SLC31A1: variants seen among roughly 807,000 people sequenced by gnomAD.
The protein encoded by SLC31A1 is solute carrier family 31 member 1.
SLC31A1 carries 5 observed loss-of-function variants against 17.2 expected under a neutral mutation model. That is an observed-to-expected ratio of 0.29 (90% CI 0.15 to 0.61). The LOEUF (loss-of-function observed/expected upper bound fraction) is 0.61, where lower values mean the gene tolerates loss of function less well. Among genes scored for constraint, SLC31A1 ranks in the 20% least tolerant of loss-of-function variants. The pLI, the probability that SLC31A1 is intolerant of heterozygous loss-of-function variation, is 0.86. For missense variants in SLC31A1, 161 were observed against 241.4 expected, an observed-to-expected ratio of 0.67 and a Z score of 2.21; for synonymous variants, 76 against 78.8, an observed-to-expected ratio of 0.96 and a Z score of 0.19.
chr9:113,223,423 C>T (rs1009480275), intron 1 of SLC31A1, among the ~76,000 whole-genome samples: 2 of 152,058 alleles, frequency 1.3e-5, no homozygotes, highest in Admixed American at 6.6e-5. Flanking sequence ...AATTCCTGTC[C>T]CAGCCCTTAT....
chr9:113,235,380 G>A (rs1246647357), intron 1 of SLC31A1, among the ~76,000 whole-genome samples: 3 of 152,196 alleles, frequency 2.0e-5, no homozygotes, highest in Non-Finnish European at 4.4e-5. Flanking sequence ...AATGTTCACA[G>A]CAGTGTTATT....
At chr9:113,234,760 C>T (rs1293111347) in intron 1 of SLC31A1, among the ~76,000 whole-genome samples, 1 of 151,984 alleles carries the variant, frequency 6.6e-6, no homozygotes, top group African/African-American at 2.4e-5. Context: ...TTGGACCACA[C>T]TTTGAGAAGC....
rs553704326 is a variant in SLC31A1 at position 113,262,345 on chromosome 9, A to G, written c.*1872A>G. 6.5e-6 allele frequency: 1 copy of G among 152,778 alleles called. No individual in the cohort carries two copies. Among genetic ancestry groups the G allele is most frequent in the South Asian group, 2.1e-4 (1 of 4,830 alleles). The allele number at this position is 152,778 out of a possible 1,614,324, so 9.5% of individuals were successfully genotyped here. A position where few individuals can be genotyped will look rare whatever the true frequency, so the allele number is the denominator to read the frequency against. On this transcript the variant is annotated 3_prime_UTR_variant, in exon 5 of 5. Transcript: ENST00000374212. ...TGTATTCTGTTCAGTTGTAGTCTAC[A>G]CTGCAGTCTTATTCCTGGTTCAAAC...
At chr9:113,228,824 A>T (rs1831369682) in intron 1 of SLC31A1, among the ~76,000 whole-genome samples, 1 of 152,206 alleles carries the variant, frequency 6.6e-6, no homozygotes, top group African/African-American at 2.4e-5. Context: ...CATCTGTAAA[A>T]TAAAGGAGTT....
At chr9:113,256,035 A>T (rs1302604034) in intron 1 of SLC31A1, 79 bp from the exon 2 acceptor site, 1 of 1,099,628 alleles carries the variant, frequency 9.1e-7, no homozygotes, top group East Asian at 2.8e-5. Context: ...ACATAGCAAG[A>T]TTCCATCTCT....
Position 113,260,439 on chromosome 9 carries a change from C to T in SLC31A1, c.539C>T (p.Ala180Val), listed in dbSNP as rs775604432. Residue 180 changes from alanine (A) to valine (V), a missense_variant, in exon 5 of 5, where the codon GCA (alanine) becomes GTA (valine). Ala to Val is a moderately conservative substitution (Grantham distance 64). Transcript: ENST00000374212. Reference protein sequence around the residue: ...TGYFLFSWKKAVVVDITEHCH With the variant: ...TGYFLFSWKKVVVVDITEHCH Reference sequence around the variant, plus strand: ...TACTTCCTCTTCAGCTGGAAGAAGGCAGTGGTAGTGGATATCACAGAGCAT... The same window carrying T: ...TACTTCCTCTTCAGCTGGAAGAAGGTAGTGGTAGTGGATATCACAGAGCAT... 4 of 1,614,044 alleles carry T rather than the reference C, an allele frequency of 2.5e-6. No homozygotes were observed. The highest frequency in any genetic ancestry group is 3.4e-6 in the Non-Finnish European group (4 of 1,180,002).
intron 1 of SLC31A1, among the ~76,000 whole-genome samples, chr9:113,240,571 A>G (rs1448607406): frequency 6.6e-6 from 1 of 152,214 alleles, no homozygotes; most frequent in Non-Finnish European, 1.5e-5. Flanking sequence ...GAGTTAGATT[A>G]TAAATCAAAA....
At chr9:113,230,218 T>C (rs1017855064) in intron 1 of SLC31A1, among the ~76,000 whole-genome samples, 1 of 152,154 alleles carries the variant, frequency 6.6e-6, no homozygotes, top group Non-Finnish European at 1.5e-5. Context: ...TTTTGGGGAT[T>C]TGTTTGTTTG....
intron 1 of SLC31A1, among the ~76,000 whole-genome samples, chr9:113,250,842 A>G (rs1486236494): frequency 6.6e-6 from 1 of 151,952 alleles, no homozygotes; most frequent in African/African-American, 2.4e-5. Flanking sequence ...CTCATGAGTA[A>G]ATTAATGTCC....
At chr9:113,259,363 C>G (rs1462590943) in intron 4 of SLC31A1, among the ~76,000 whole-genome samples, 1 of 152,156 alleles carries the variant, frequency 6.6e-6, no homozygotes, top group East Asian at 1.9e-4. Flanking sequence ...AAATGTAAGT[C>G]TTAAAACCAA....
At chr9:113,257,710 ACTC>A (rs1405460753) in intron 3 of SLC31A1, among the ~76,000 whole-genome samples, 1 of 151,182 alleles carries the variant, frequency 6.6e-6, no homozygotes, top group Non-Finnish European at 1.5e-5. Context: ...CTGGTCTCGA[ACTC>A]CTCACCTCAA....
chr9:113,260,479 A>G lies in SLC31A1; in HGVS notation c.*6A>G, dbSNP rs776350156. ...TCACAGAGCATTGCCATTGACATCA[A>G]ACTCTATGGCGTGGCCTTATCGATT... On this transcript the variant is annotated 3_prime_UTR_variant, in exon 5 of 5. Coordinates refer to ENST00000374212, the MANE Select transcript of SLC31A1 (RefSeq NM_001859.4). The G allele has an allele frequency of 6.2e-7, 1 of 1,611,890 alleles. No individual in the cohort carries two copies. The highest frequency in any genetic ancestry group is 1.1e-5 in the South Asian group (1 of 91,060).
At chr9:113,244,952 A>G (rs929849991) in intron 1 of SLC31A1, among the ~76,000 whole-genome samples, 7 of 152,008 alleles carry the variant, frequency 4.6e-5, no homozygotes, top group Non-Finnish European at 7.4e-5. Flanking sequence ...GACCTGACCT[A>G]TTTTCTTAGT....
intron 1 of SLC31A1, among the ~76,000 whole-genome samples, chr9:113,223,019 A>G (rs1005328097): frequency 6.6e-6 from 1 of 152,188 alleles, no homozygotes; most frequent in Non-Finnish European, 1.5e-5. Context: ...CTCACTGCAG[A>G]ATCTTTCTAG....
At position 113,258,181 on chromosome 9, in the gene SLC31A1, A is replaced by C. The variant is rs1831749279; in HGVS notation, c.203-513A>C. 6.6e-6 allele frequency among the ~76,000 whole-genome samples: 1 copy of C among 152,234 alleles called. No individual in the cohort carries two copies. Among genetic ancestry groups the C allele is most frequent in the Admixed American group, 6.5e-5 (1 of 15,280 alleles). On this transcript the variant is annotated intron_variant, in intron 3 of 4. Transcript: ENST00000374212. The surrounding 1 kb of genome is among the most constrained non-coding windows in gnomAD (Gnocchi z 4.8). Reference sequence around the variant, plus strand: ...AGTCAGTTGGACTGCCTTAGGTACCAGATGTCTGTTTGGAGCCATAAAATC... The same window carrying C: ...AGTCAGTTGGACTGCCTTAGGTACCCGATGTCTGTTTGGAGCCATAAAATC...
intron 1 of SLC31A1, among the ~76,000 whole-genome samples, chr9:113,229,108 A>G (rs1330326247): frequency 6.6e-6 from 1 of 152,252 alleles, no homozygotes; most frequent in African/African-American, 2.4e-5. Flanking sequence ...GGCCTCCCAA[A>G]GTGCTGGGAT....
intron 1 of SLC31A1, among the ~76,000 whole-genome samples, chr9:113,237,199 A>G (rs1831469419): frequency 6.6e-6 from 1 of 152,214 alleles, no homozygotes; most frequent in Non-Finnish European, 1.5e-5. Context: ...AGCAGCCAAG[A>G]GTACTGCAGA....
intron 1 of SLC31A1, among the ~76,000 whole-genome samples, chr9:113,227,089 T>C (rs918990595): frequency 6.6e-6 from 1 of 152,100 alleles, no homozygotes; most frequent in African/African-American, 2.4e-5. Flanking sequence ...AGGTATGCAA[T>C]AAATAGTGAA....
chr9:113,223,291 T>C (rs1176678145), intron 1 of SLC31A1: 4 of 447,094 alleles, frequency 8.9e-6, no homozygotes, highest in Non-Finnish European at 1.8e-5. Flanking sequence ...TGATGGTGAG[T>C]CTTGCCAGGC....
Sources: allele counts gnomAD v4.1 joint callset (sites outside exome capture counted in the v4.1 genomes callset), GRCh38; gene constraint gnomAD v4.1.1; non-coding constraint Gnocchi (gnomAD v3.1); transcripts MANE v1.5; gene names NCBI Gene and HGNC (gene_info 2026-07-23, HGNC 2026-07-21).